SVOP: variants seen among roughly 807,000 people sequenced by gnomAD.
SVOP encodes the protein synaptic vesicle 2-related protein.
Under a neutral mutation model 69.1 loss-of-function variants are expected in SVOP, and 17 were observed. That is an observed-to-expected ratio of 0.25 (90% confidence interval 0.17 to 0.37). SVOP has a LOEUF of 0.37. SVOP is among the 10% of genes least tolerant of loss of function. The pLI, the probability that SVOP is intolerant of heterozygous loss-of-function variation, is 1.00. For synonymous variants in SVOP, 238 were observed against 238.6 expected, an observed-to-expected ratio of 1.00 and a Z score of 0.02; for missense variants, 435 against 597.5, an observed-to-expected ratio of 0.73 and a Z score of 2.84.
chr12:108,993,975 T>C (rs1476391683), intron 1 of SVOP, among the ~76,000 whole-genome samples: 2 of 151,782 alleles, frequency 1.3e-5, no homozygotes, highest in African/African-American at 4.8e-5. Context: ...CTGTGTGGCC[T>C]GATCATCTTC....
rs184192824 is a variant in SVOP at position 108,971,240 on chromosome 12, C to G, written c.453+1165G>C. Among the ~76,000 whole-genome samples, 54 of 151,774 alleles carry G rather than the reference C, an allele frequency of 3.6e-4. No individual in the cohort carries two copies. The East Asian group carries it at 0.01, about 29-fold the overall frequency. On this transcript the variant is annotated intron_variant, in intron 5 of 15. Coordinates refer to ENST00000610966, the MANE Select transcript of SVOP (RefSeq NM_018711.5). ...GGTCAGGAGTTTGAGACCAGCCTGG[C>G]CAACATGGTGAAACCCTGTCTGTAC...
chr12:108,937,182 T>G, intron 10 of SVOP, 82 bp downstream of exon 10: 1 of 1,383,824 alleles, frequency 7.2e-7, no homozygotes, highest in Middle Eastern at 1.8e-4. Flanking sequence ...CAAAGTGCTA[T>G]CTGTCCATTG....
At chr12:108,923,035 G>C (rs560056512) in intron 11 of SVOP, among the ~76,000 whole-genome samples, 1 of 152,334 alleles carries the variant, frequency 6.6e-6, no homozygotes, top group South Asian at 2.1e-4. Context: ...TAAAGGGATT[G>C]AGAGACTGAA....
intron 1 of SVOP, among the ~76,000 whole-genome samples, chr12:108,991,818 T>C (rs1181968724): frequency 6.7e-6 from 1 of 149,980 alleles, no homozygotes; most frequent in African/African-American, 2.4e-5. Flanking sequence ...TGGTAGCACA[T>C]ACTTGTGGTC....
intron 13 of SVOP, 124 bp downstream of exon 13, chr12:108,919,551 G>C: frequency 1.5e-6 from 1 of 684,010 alleles, no homozygotes; most frequent in Non-Finnish European, 2.5e-6. Context: ...CCACACTTGG[G>C]CCTGCACCTC....
In SVOP at chr12:108,931,694, C is replaced by T. The variant is rs549743059; in HGVS notation, c.1048+2501G>A. Among the ~76,000 whole-genome samples, 19 of 152,124 alleles carry T rather than the reference C, an allele frequency of 1.2e-4. No homozygotes were observed. The South Asian group carries it at 3.6e-3, about 29-fold the overall frequency. On this transcript the variant is annotated intron_variant, in intron 11 of 15. Transcript: ENST00000610966. The stretch of plus-strand genomic sequence containing the variant: ...TAAAAAATACAAAAAATTAGCTGGG[C>T]GTGATGGCGGTCGCCTGTAGTCCCA...
In SVOP at chr12:108,960,739, C is replaced by A. The variant is rs188295052; in HGVS notation, c.578+184G>T. ...GTGTTGTTTTGCTGCTGTTGTTGAT[C>A]ATAACAATACTGATAATGATGCTAT... is the stretch of plus-strand genomic sequence containing the variant. On this transcript the variant is annotated intron_variant, in intron 6 of 15. Coordinates refer to ENST00000610966, the MANE Select transcript of SVOP (RefSeq NM_018711.5). Among the ~76,000 whole-genome samples, 3 of 152,264 alleles carry A rather than the reference C, an allele frequency of 2.0e-5. No homozygotes were observed. In the East Asian group the frequency reaches 5.8e-4, roughly 29 times the overall value.
At chr12:109,002,702 G>T (rs562175142) in intron 1 of SVOP, among the ~76,000 whole-genome samples, 1 of 150,848 alleles carries the variant, frequency 6.6e-6, no homozygotes, top group African/African-American at 2.4e-5. Context: ...GTAAACTACC[G>T]CAAGAACAAA....
intron 14 of SVOP, 50 bp from the exon 15 acceptor site, chr12:108,915,922 A>G (rs1170451979): frequency 3.3e-6 from 5 of 1,494,774 alleles, no homozygotes; most frequent in Non-Finnish European, 9.0e-7. Context: ...GGTTCCTCCC[A>G]CCACTCCAGC....
chr12:109,010,804 A>G (rs1308329583), intron 1 of SVOP, among the ~76,000 whole-genome samples: 1 of 152,100 alleles, frequency 6.6e-6, no homozygotes, highest in Non-Finnish European at 1.5e-5. Context: ...ACCTGGCCCA[A>G]ACTGTTCCCC....
intron 1 of SVOP, among the ~76,000 whole-genome samples, chr12:109,013,750 C>T (rs1349266522): frequency 6.6e-6 from 1 of 152,080 alleles, no homozygotes; most frequent in Non-Finnish European, 1.5e-5. Flanking sequence ...CATTGTTGTA[C>T]AATCATCACT....
chr12:108,927,904 ACT>A (rs1321924487), intron 11 of SVOP, among the ~76,000 whole-genome samples: 4 of 126,272 alleles, frequency 3.2e-5, no homozygotes, highest in Non-Finnish European at 6.6e-5. Flanking sequence ...CTGACAAAAA[ACT>A]CTTTTTTTTT....
At chr12:108,953,027 T>C (rs558681463) in intron 6 of SVOP, among the ~76,000 whole-genome samples, 35 of 151,796 alleles carry the variant, frequency 2.3e-4, no homozygotes, top group African/African-American at 8.2e-4. Flanking sequence ...TCCATTATTA[T>C]ATCTACTTTG....
At chr12:108,923,676 T>C (rs1398239829) in intron 11 of SVOP, among the ~76,000 whole-genome samples, 1 of 152,044 alleles carries the variant, frequency 6.6e-6, no homozygotes, top group Admixed American at 6.5e-5. Context: ...ATAGTTTCTG[T>C]AGGTCAGGAG....
At chr12:108,979,453 G>T (rs892597848) in intron 2 of SVOP, among the ~76,000 whole-genome samples, 2 of 151,930 alleles carry the variant, frequency 1.3e-5, no homozygotes, top group African/African-American at 4.8e-5. Flanking sequence ...TGTTACCCAG[G>T]CTGGTCTTGA....
At chr12:109,014,327 C>CT (rs1009476501) in intron 1 of SVOP, among the ~76,000 whole-genome samples, 19 of 152,192 alleles carry the variant, frequency 1.2e-4, no homozygotes, top group South Asian at 4.2e-4. Flanking sequence ...AATGTCCTTC[C>CT]TTTTTTAAGG....
intron 1 of SVOP, among the ~76,000 whole-genome samples, chr12:108,987,910 A>G (rs1256111762): frequency 1.8e-5 from 2 of 108,264 alleles, no homozygotes; most frequent in Non-Finnish European, 4.0e-5. Context: ...GTGATCGTTG[A>G]ATGCACCAAA....
At chr12:108,972,604 G>C in intron 4 of SVOP, 128 bp from the exon 5 acceptor site, 1 of 957,854 alleles carries the variant, frequency 1.0e-6, no homozygotes, top group South Asian at 1.5e-5. Context: ...CTGAGAGCCT[G>C]CCAAGGGGCA....
chr12:108,979,220 GAA>G (rs202188557), intron 2 of SVOP, among the ~76,000 whole-genome samples: 11 of 151,804 alleles, frequency 7.2e-5, no homozygotes, highest in African/African-American at 2.7e-4. Context: ...TCCATGGCCA[GAA>G]AAAAAAGAAA....
Sources: allele counts gnomAD v4.1 joint callset (sites outside exome capture counted in the v4.1 genomes callset), GRCh38; gene constraint gnomAD v4.1.1; transcripts MANE v1.5; gene names NCBI Gene and HGNC (gene_info 2026-07-23, HGNC 2026-07-21).